Variants in TANC2 observed in about 807,000 individuals in gnomAD.
TANC2 encodes protein TANC2.
TANC2 carries 26 observed loss-of-function variants against 210.5 expected under a neutral mutation model. The observed-to-expected ratio is 0.12, with a 90% CI of 0.09 to 0.17. The LOEUF is 0.17. TANC2 is among the 10% of genes least tolerant of loss of function. The pLI, the probability that TANC2 is intolerant of heterozygous loss-of-function variation, is 1.00. For missense variants in TANC2, 2,129 were observed against 2,608.9 expected, an observed-to-expected ratio of 0.82 and a Z score of 4.01; for synonymous variants, 931 against 967.1, an observed-to-expected ratio of 0.96 and a Z score of 0.69.
chr17:63,205,344 CAAAAAAA>C (rs1158768609), intron 7 of TANC2, among the ~76,000 whole-genome samples: 8 of 8,070 alleles, frequency 9.9e-4, no homozygotes, highest in Non-Finnish European at 1.4e-3. Flanking sequence ...ACCAAGGAGG[CAAAAAAA>C]AAAAAAAAAA....
chr17:63,366,141 A>G (rs938412301), intron 14 of TANC2, among the ~76,000 whole-genome samples: 1 of 152,132 alleles, frequency 6.6e-6, no homozygotes, highest in Non-Finnish European at 1.5e-5. Flanking sequence ...AATATTTGAG[A>G]AACTCTTCCC....
At chr17:63,099,597 T>C (rs538704371) in intron 4 of TANC2, among the ~76,000 whole-genome samples, 2 of 152,122 alleles carry the variant, frequency 1.3e-5, no homozygotes, top group Non-Finnish European at 2.9e-5. Flanking sequence ...TGTGAACATA[T>C]TTTTCTAGGT....
In TANC2 at chr17:63,019,990, G is replaced by T. The variant is rs555556983; in HGVS notation, c.67+10364G>T. ...TTGCCAGGCTGGAGTGCAGTGGCCT[G>T]ATCTCAGCTCACTGCAACCTCCCCG... On this transcript the variant is annotated intron_variant, in intron 2 of 27. Transcript: ENST00000689528. Among the ~76,000 whole-genome samples the T allele has an allele frequency of 1.2e-4, 18 of 152,294 alleles. No individual in the cohort carries two copies. In the South Asian group the frequency reaches 3.7e-3, roughly 32 times the overall value.
chr17:63,191,714 C>T (rs2041192473), intron 5 of TANC2, among the ~76,000 whole-genome samples: 2 of 152,228 alleles, frequency 1.3e-5, no homozygotes, highest in Admixed American at 6.5e-5. Context: ...CAACCTGCCT[C>T]GGCATCCCAA....
At chr17:63,232,542 C>T (rs1433312774) in intron 7 of TANC2, among the ~76,000 whole-genome samples, 3 of 152,238 alleles carry the variant, frequency 2.0e-5, no homozygotes, top group Non-Finnish European at 4.4e-5. Context: ...GGGGGTCCAT[C>T]CCATCCTGTT....
intron 21 of TANC2, among the ~76,000 whole-genome samples, chr17:63,407,496 G>A (rs1347498404): frequency 6.6e-6 from 1 of 152,176 alleles, no homozygotes; most frequent in African/African-American, 2.4e-5. Flanking sequence ...TAGAGGCTCC[G>A]TAGCCATAGA....
Position 63,239,992 on chromosome 17 carries a change from AAGGGGGAAGTC to A in TANC2, c.1033+1916_1033+1926del, listed in dbSNP as rs531285758. On this transcript the variant is annotated intron_variant, in intron 8 of 27. Transcript: ENST00000689528. ...AGAACTCTCATATTACAAGAACAGC[AAGGGGGAAGTC>A]TGCCCCATGATCCAGTCACCTTCAA... 3.5e-4 allele frequency among the ~76,000 whole-genome samples: 54 copies of A among 152,272 alleles called. 1 individual carries two copies. In the East Asian group the frequency reaches 9.5e-3, roughly 27 times the overall value.
At chr17:63,123,649 G>A (rs1019573025) in intron 4 of TANC2, among the ~76,000 whole-genome samples, 7 of 149,280 alleles carry the variant, frequency 4.7e-5, no homozygotes, top group African/African-American at 1.7e-4. Flanking sequence ...TATACCCGTA[G>A]AGAGTATAGT....
intron 8 of TANC2, among the ~76,000 whole-genome samples, chr17:63,244,814 A>G (rs1433628931): frequency 6.6e-6 from 1 of 152,194 alleles, no homozygotes; most frequent in Non-Finnish European, 1.5e-5. Context: ...GTGGGAGGTA[A>G]TTGAATCATG....
At chr17:63,147,407 C>G (rs2039500102) in intron 4 of TANC2, among the ~76,000 whole-genome samples, 1 of 152,106 alleles carries the variant, frequency 6.6e-6, no homozygotes, top group Non-Finnish European at 1.5e-5. Context: ...TTGATACTCT[C>G]ACAGATGAGG....
At chr17:63,301,368 T>G (rs1230214868) in intron 9 of TANC2, among the ~76,000 whole-genome samples, 2 of 152,208 alleles carry the variant, frequency 1.3e-5, no homozygotes, top group Non-Finnish European at 1.5e-5. Flanking sequence ...AGCTCCTCTT[T>G]GTACCTCTGG....
intron 1 of TANC2, among the ~76,000 whole-genome samples, chr17:62,989,250 G>A (rs1288196401): frequency 1.3e-5 from 2 of 152,180 alleles, no homozygotes; most frequent in African/African-American, 4.8e-5. Flanking sequence ...TCAGTAAACA[G>A]TGAACAGATA....
At chr17:63,057,157 A>AT (rs1378042590) in intron 2 of TANC2, among the ~76,000 whole-genome samples, 17 of 152,288 alleles carry the variant, frequency 1.1e-4, no homozygotes, top group African/African-American at 3.8e-4. Flanking sequence ...AAAACAGAGA[A>AT]TGCAATGCAT....
At chr17:63,302,296 C>G (rs1319498756) in intron 9 of TANC2, among the ~76,000 whole-genome samples, 11 of 152,012 alleles carry the variant, frequency 7.2e-5, no homozygotes, top group African/African-American at 2.7e-4. Flanking sequence ...ATCACGTCCA[C>G]TTGATCCAGA....
intron 2 of TANC2, among the ~76,000 whole-genome samples, chr17:63,027,981 T>C (rs539003315): frequency 4.6e-5 from 7 of 152,092 alleles, no homozygotes; most frequent in African/African-American, 1.7e-4. Flanking sequence ...CCAGAGAAAA[T>C]AGGTTAACTT....
intron 22 of TANC2, 35 bp from the exon 23 acceptor site, chr17:63,411,963 C>T: frequency 1.2e-6 from 2 of 1,612,166 alleles, no homozygotes; most frequent in Non-Finnish European, 1.7e-6. Flanking sequence ...AGCCATTACG[C>T]CTGTCCTAAC....
At chr17:63,233,071 C>G (rs1291869172) in intron 7 of TANC2, among the ~76,000 whole-genome samples, 3 of 152,226 alleles carry the variant, frequency 2.0e-5, no homozygotes, top group Admixed American at 2.0e-4. Flanking sequence ...GTGGGGAATT[C>G]TTCCTGGGTC....
intron 1 of TANC2, among the ~76,000 whole-genome samples, chr17:62,991,722 A>G (rs886191371): frequency 6.6e-6 from 1 of 152,164 alleles, no homozygotes; most frequent in Non-Finnish European, 1.5e-5. Flanking sequence ...TACATAACAT[A>G]TACATTGTAT....
chr17:63,351,323 T>C, exon 13 of TANC2: 1 of 1,611,124 alleles, frequency 6.2e-7, no homozygotes. Context: ...ACAAACCGGA[T>C]TATGGGGATA....
Sources: gnomAD v4.1 joint callset for allele counts (sites outside exome capture counted in the v4.1 genomes callset) on GRCh38, gnomAD v4.1.1 for gene constraint, MANE v1.5 for transcripts, NCBI Gene and HGNC (gene_info 2026-07-23, HGNC 2026-07-21) for gene names.